FGF14: variants seen among roughly 807,000 people sequenced by gnomAD.
FGF14 encodes fibroblast growth factor homologous factor 4.
In FGF14, 5 loss-of-function variants were observed where a neutral mutation model predicts 25.5. The observed-to-expected ratio is 0.20, with a 90% CI of 0.10 to 0.41. FGF14 has a LOEUF of 0.41. Ranked by LOEUF, FGF14 falls within the 10% of genes least tolerant of loss-of-function variation. The probability of loss-of-function intolerance (pLI) is 1.00; values close to 1 mark genes in which losing one functional copy is unlikely to be tolerated. For synonymous variants in FGF14, 138 were observed against 118.3 expected, an observed-to-expected ratio of 1.17 and a Z score of -1.08; for missense variants, 222 against 320.1, an observed-to-expected ratio of 0.69 and a Z score of 2.34.
At chr13:101,967,425 C>A (rs1355576381) in intron 1 of FGF14, among the ~76,000 whole-genome samples, 2 of 152,188 alleles carry the variant, frequency 1.3e-5, no homozygotes, top group African/African-American at 4.8e-5. Context: ...GTACCAATAT[C>A]AGTTTCTGCA....
intron 3 of FGF14, among the ~76,000 whole-genome samples, chr13:101,834,906 G>A (rs1391961725): frequency 2.6e-5 from 4 of 152,018 alleles, no homozygotes; most frequent in Non-Finnish European, 4.4e-5. Context: ...CCAAGTCAAA[G>A]CAAATTCTGT....
intron 3 of FGF14, among the ~76,000 whole-genome samples, chr13:101,804,436 T>C (rs955723629): frequency 6.6e-6 from 1 of 152,122 alleles, no homozygotes; most frequent in Admixed American, 6.6e-5. Context: ...TCACAGACAC[T>C]CCTACACACA....
At chr13:101,843,398 A>G (rs2043288345) in intron 3 of FGF14, among the ~76,000 whole-genome samples, 1 of 151,998 alleles carries the variant, frequency 6.6e-6, no homozygotes, top group South Asian at 2.1e-4. Context: ...GGATCCACAG[A>G]GCTGAGTCTG....
At chr13:101,807,016 A>T (rs1217982452) in intron 3 of FGF14, among the ~76,000 whole-genome samples, 1 of 152,178 alleles carries the variant, frequency 6.6e-6, no homozygotes, top group Non-Finnish European at 1.5e-5. Flanking sequence ...TAGCACACTA[A>T]ATTTAAAAAC....
rs376743434 is a variant in FGF14, at chr13:101,952,270, G to A, written c.209-76974C>T. Among the ~76,000 whole-genome samples, 42 of 152,146 alleles carry A rather than the reference G, an allele frequency of 2.8e-4. No individual in the cohort carries two copies. The East Asian group carries it at 7.0e-3, about 25-fold the overall frequency. ...GTCTTTCCACTGCAAATTCAAGGCTGGCTTGTTTACCATACACTATGATCA... is the reference window on the plus strand; with the variant it reads ...GTCTTTCCACTGCAAATTCAAGGCTAGCTTGTTTACCATACACTATGATCA... On this transcript the variant is annotated intron_variant, in intron 1 of 4. Coordinates refer to the FGF14 transcript ENST00000376131.
chr13:102,371,205 C>A (rs192950544), intron 1 of FGF14, among the ~76,000 whole-genome samples: 2 of 152,186 alleles, frequency 1.3e-5, no homozygotes, highest in East Asian at 1.9e-4. Flanking sequence ...AATTTATAAC[C>A]TGATACAAAA....
At chr13:101,878,833 T>A (rs1390312307) in intron 1 of FGF14, among the ~76,000 whole-genome samples, 1 of 152,048 alleles carries the variant, frequency 6.6e-6, no homozygotes, top group Non-Finnish European at 1.5e-5. Context: ...AAACATGTAT[T>A]AATGTAATAT....
chr13:102,230,480 C>T (rs7333516), intron 1 of FGF14, among the ~76,000 whole-genome samples: 122,949 of 152,134 alleles, frequency 0.81, 50,080 homozygotes, highest in African/African-American at 0.91. Flanking sequence ...AAAAGGTATA[C>T]TGGGAGTACA....
At chr13:102,046,415 C>T (rs2041984525) in intron 1 of FGF14, among the ~76,000 whole-genome samples, 1 of 152,060 alleles carries the variant, frequency 6.6e-6, no homozygotes, top group South Asian at 2.1e-4. Flanking sequence ...GAGAAAAGCT[C>T]TCACATGTTA....
intron 1 of FGF14, among the ~76,000 whole-genome samples, chr13:101,937,343 GTGATCAAGTGAAAA>G (rs1206334562): frequency 6.6e-6 from 1 of 152,146 alleles, no homozygotes; most frequent in Non-Finnish European, 1.5e-5. Flanking sequence ...TGGAGACAGG[GTGATCAAGTGAAAA>G]TGAGGCTGTC....
intron 1 of FGF14, among the ~76,000 whole-genome samples, chr13:102,196,875 A>T (rs1457657856): frequency 6.6e-6 from 1 of 151,940 alleles, no homozygotes; most frequent in Non-Finnish European, 1.5e-5. Context: ...TCAGAGATAA[A>T]TCACTGGTGG....
intron 1 of FGF14, among the ~76,000 whole-genome samples, chr13:102,092,125 CTCTTGA>C (rs2044192800): frequency 6.6e-6 from 1 of 152,160 alleles, no homozygotes; most frequent in African/African-American, 2.4e-5. Flanking sequence ...TGATGAACAA[CTCTTGA>C]TCTCTTGATG....
intron 3 of FGF14, among the ~76,000 whole-genome samples, chr13:101,774,661 TAA>T (rs1443370396): frequency 6.6e-6 from 1 of 152,148 alleles, no homozygotes; most frequent in African/African-American, 2.4e-5. Flanking sequence ...TTGCATTGGA[TAA>T]AGAGTGAATC....
intron 1 of FGF14, among the ~76,000 whole-genome samples, chr13:102,371,914 ATATACT>A (rs1329566331): frequency 6.6e-6 from 1 of 152,198 alleles, no homozygotes; most frequent in African/African-American, 2.4e-5. Flanking sequence ...TTTAAAAAGG[ATATACT>A]TATACTATCA....
chr13:102,249,439 G>T (rs960447350), intron 1 of FGF14, among the ~76,000 whole-genome samples: 1 of 152,184 alleles, frequency 6.6e-6, no homozygotes, highest in South Asian at 2.1e-4. Flanking sequence ...CAGTTTTGCA[G>T]AACAATGGGA....
At chr13:102,388,574 C>G (rs2058360095) in intron 1 of FGF14, among the ~76,000 whole-genome samples, 1 of 152,214 alleles carries the variant, frequency 6.6e-6, no homozygotes, top group Non-Finnish European at 1.5e-5. Flanking sequence ...CTTCCTGGCC[C>G]ACAATTTCTC....
At chr13:101,933,100 G>T (rs1354999881) in intron 1 of FGF14, among the ~76,000 whole-genome samples, 4 of 152,106 alleles carry the variant, frequency 2.6e-5, no homozygotes, top group African/African-American at 9.7e-5. Context: ...ATTAATTTCA[G>T]TAAAGTTAGT....
chr13:102,111,778 A>C (rs1432584720), intron 1 of FGF14, among the ~76,000 whole-genome samples: 1 of 30,752 alleles, frequency 3.3e-5, no homozygotes, highest in Non-Finnish European at 5.2e-5. Context: ...ACCATCAAAC[A>C]AAAAAAAAAA....
chr13:102,381,910 T>C (rs2058191851), intron 1 of FGF14, among the ~76,000 whole-genome samples: 1 of 152,320 alleles, frequency 6.6e-6, no homozygotes, highest in African/African-American at 2.4e-5. Flanking sequence ...CATGAGATTA[T>C]CAACAAATGT....
Sources: gnomAD v4.1 joint callset for allele counts (sites outside exome capture counted in the v4.1 genomes callset) on GRCh38, gnomAD v4.1.1 for gene constraint, MANE v1.5 for transcripts, NCBI Gene and HGNC (gene_info 2026-07-23, HGNC 2026-07-21) for gene names.